LAMA5: variants seen among roughly 807,000 people sequenced by gnomAD.
The protein encoded by LAMA5 is laminin subunit alpha-5.
LAMA5 carries 260 observed loss-of-function variants against 433.4 expected under a neutral mutation model. The ratio of observed to expected loss-of-function variants is 0.60; its 90% CI spans 0.54 to 0.66. LAMA5 has a LOEUF of 0.66. Among genes scored for constraint, LAMA5 ranks in the 30% least tolerant of loss-of-function variants. LAMA5 has a pLI of 0.00. For synonymous variants in LAMA5, 2,620 were observed against 2,226.6 expected, an observed-to-expected ratio of 1.18 and a Z score of -4.97; for missense variants, 5,378 against 5,258.5, an observed-to-expected ratio of 1.02 and a Z score of -0.70.
chr20:62,356,655 T>G (rs1234913615), intron 2 of LAMA5, among the ~76,000 whole-genome samples: 1 of 150,912 alleles, frequency 6.6e-6, no homozygotes, highest in Admixed American at 6.6e-5. Flanking sequence ...TCACAGGGGG[T>G]GGGCAAGAGC....
At chr20:62,310,344 G>A (rs1292764565) in intron 76 of LAMA5, 33 bp from the exon 77 acceptor site, 1 of 1,576,712 alleles carries the variant, frequency 6.3e-7, no homozygotes, top group South Asian at 1.2e-5. Flanking sequence ...AGAAGAAAGG[G>A]GGGGCCCCTC....
rs756508271 is a variant in LAMA5 at position 62,333,159 on chromosome 20, C to T, written c.3213G>A (p.Leu1071=). 4 of 1,514,744 alleles carry T rather than the reference C, an allele frequency of 2.6e-6. No homozygotes were observed. The South Asian group carries it at 5.3e-5, about 20-fold the overall frequency. The allele number at this position is 1,514,744 out of a possible 1,614,324, so 93.8% of individuals were successfully genotyped here. ...LEALCRQDNS[L]PRPCPTEQLS... ...GCTGCTCCGTGGGGCAGGGCCGGGGCAGGCTGTTGTCCTGGCGACACAGGG... is the reference window on the plus strand; with the variant it reads ...GCTGCTCCGTGGGGCAGGGCCGGGGTAGGCTGTTGTCCTGGCGACACAGGG... The change falls in exon 26 of 80, where the codon CTG becomes CTA. Residue 1071 remains leucine, a synonymous_variant. Coordinates refer to ENST00000252999, the MANE Select transcript of LAMA5 (RefSeq NM_005560.6).
Position 62,310,429 on chromosome 20 carries a change from A to T in LAMA5, c.10590T>A (p.Val3530=). 6.2e-7 allele frequency: 1 copy of T among 1,603,724 alleles called. No homozygotes were observed. Among genetic ancestry groups the T allele is most frequent in the Non-Finnish European group, 8.5e-7 (1 of 1,176,268 alleles). Residue 3530 remains valine, a synonymous_variant, in exon 76 of 80, where the codon GTT becomes GTA. Coordinates refer to ENST00000252999, the MANE Select transcript of LAMA5 (RefSeq NM_005560.6). ...CCAGCACCCACAGACCTAAAGTGAT[A>T]ACTCCCCCGCTGCCTGGGAAGAACA... ...AGLFFPGSGG[V]ITLDLPGATL...
intron 18 of LAMA5, 62 bp from the exon 19 acceptor site, chr20:62,335,331 C>T (rs1363996112): frequency 6.4e-7 from 1 of 1,562,868 alleles, no homozygotes; most frequent in East Asian, 2.3e-5. Flanking sequence ...CTCCAGCCCC[C>T]CGAGGAACCC....
intron 10 of LAMA5, 83 bp from the exon 11 acceptor site, chr20:62,345,960 C>A: frequency 6.4e-7 from 1 of 1,569,326 alleles, no homozygotes; most frequent in Non-Finnish European, 8.7e-7. Flanking sequence ...GGTCTCTCAG[C>A]ACAATCGGAG....
chr20:62,327,706 G>C (rs575683198), intron 36 of LAMA5, 37 bp from the exon 37 acceptor site: 1 of 1,603,190 alleles, frequency 6.2e-7, no homozygotes, highest in African/African-American at 1.3e-5. Context: ...GTCGGCAGGT[G>C]CCAGGTGCCT....
At chr20:62,351,267 C>T (rs1568973426) in intron 6 of LAMA5, 1 of 231,012 alleles carries the variant, frequency 4.3e-6, no homozygotes, top group South Asian at 8.0e-5. Context: ...GCTGGGCGGG[C>T]ACCCCCAAAG....
Position 62,316,692 on chromosome 20 carries a change from C to G in LAMA5, c.7735G>C (p.Glu2579Gln), listed in dbSNP as rs1424794639. 1 of 1,605,636 alleles carries G rather than the reference C, an allele frequency of 6.2e-7. No homozygotes were observed. Among genetic ancestry groups the G allele is most frequent in the African/African-American group, 1.3e-5 (1 of 74,784 alleles). Reference protein sequence around the residue: ...STALEEAMLQEQQRLGLVWAA... With the variant: ...STALEEAMLQQQQRLGLVWAA... ...TCACCAAGGCCCAGCCTCTGCTGTT[C>G]CTGGAGCATGGCCTCTTCTAGTGCA... The change falls in exon 57 of 80, where the codon GAA becomes CAA. Residue 2579 changes from glutamate (E) to glutamine (Q), a missense_variant. Physicochemically the swap from Glu to Gln is conservative, Grantham distance 29. Coordinates refer to ENST00000252999, the MANE Select transcript of LAMA5 (RefSeq NM_005560.6).
rs1316929611 is a variant in LAMA5, at chr20:62,320,635, T to A, written c.6683A>T (p.Glu2228Val). 3.1e-6 allele frequency: 5 copies of A among 1,610,078 alleles called. No homozygotes were observed. Among genetic ancestry groups the A allele is most frequent in the Non-Finnish European group, 4.2e-6 (5 of 1,179,006 alleles). Residue 2228 changes from glutamate (E) to valine (V), a missense_variant, in exon 50 of 80, where the codon GAG becomes GTG. Coordinates refer to ENST00000252999, the MANE Select transcript of LAMA5 (RefSeq NM_005560.6). ...QLRSPLGPRH[E>V]TAQQLEVLEQ... ...CAGCACCTCCAGCTGCTGTGCCGTC[T>A]CATGGCGGGGGCCCAGGGGGCTCCG... is the stretch of plus-strand genomic sequence containing the variant.
chr20:62,352,197 C>A (rs1324976879), intron 4 of LAMA5, 45 bp downstream of exon 4: 6 of 1,565,960 alleles, frequency 3.8e-6, no homozygotes, highest in Non-Finnish European at 5.2e-6. Context: ...CTACCCACCT[C>A]TCCGTTCTCC....
At position 62,346,864 on chromosome 20, in the gene LAMA5, A is replaced by C. The variant is rs746328168; in HGVS notation, c.1072+49T>G. ...CAGGCCCGGGCACCGGGGCCCTCTC[A>C]TGGGCCAGGGTGTGGGCAGGACACA... On this transcript the variant is annotated intron_variant, in intron 7 of 79. Coordinates refer to ENST00000252999, the MANE Select transcript of LAMA5 (RefSeq NM_005560.6). The C allele has an allele frequency of 2.5e-6, 4 of 1,605,836 alleles. No individual in the cohort carries two copies. The Admixed American group carries it at 6.7e-5, about 27-fold the overall frequency.
At chr20:62,351,645 C>A in intron 6 of LAMA5, 59 bp downstream of exon 6, 1 of 1,536,964 alleles carries the variant, frequency 6.5e-7, no homozygotes, top group Non-Finnish European at 8.9e-7. Context: ...GTGACAAGGA[C>A]AGGCAGGGAG....
At chr20:62,366,639 C>T (rs1986759987) in intron 1 of LAMA5, among the ~76,000 whole-genome samples, 1 of 152,194 alleles carries the variant, frequency 6.6e-6, no homozygotes, top group Non-Finnish European at 1.5e-5. Flanking sequence ...CCCGGGATCC[C>T]GGACTTGGGG....
intron 51 of LAMA5, among the ~76,000 whole-genome samples, chr20:62,319,370 A>G (rs544048648): frequency 1.6e-4 from 24 of 151,948 alleles, no homozygotes; most frequent in African/African-American, 5.8e-4. Flanking sequence ...AGGCAGGCTC[A>G]GGGAGCCAAA....
chr20:62,311,045 G>A lies in LAMA5; in HGVS notation c.10138C>T (p.Leu3380Phe), dbSNP rs754618623. The A allele has an allele frequency of 8.7e-6, 14 of 1,605,948 alleles. No individual in the cohort carries two copies. The South Asian group carries it at 1.4e-4, about 16-fold the overall frequency. ...CCGGGCCTCAGACGGGCAGTGAAGA[G>A]GAGGAGGCCTCGGGAGCTTCGCGGG... ...VLPRSSRGLL[L>F]FTARLRPGSP... The change falls in exon 74 of 80, where the codon CTC (leucine) becomes TTC (phenylalanine). Residue 3380 changes from leucine to phenylalanine, a missense_variant. Leu to Phe is a conservative substitution (Grantham distance 22, BLOSUM62 0). Coordinates refer to ENST00000252999, the MANE Select transcript of LAMA5 (RefSeq NM_005560.6).
chr20:62,321,313 G>A (rs1457190149), intron 48 of LAMA5, among the ~76,000 whole-genome samples: 1 of 94,990 alleles, frequency 1.1e-5, no homozygotes, highest in South Asian at 4.1e-4. Context: ...GCCAGTGAAG[G>A]TGTGGGGCCA....
chr20:62,317,134 C>T (rs572607351), intron 55 of LAMA5, 111 bp from the exon 56 acceptor site: 325 of 1,309,738 alleles, frequency 2.5e-4, no homozygotes, highest in Non-Finnish European at 3.0e-4. Flanking sequence ...CGCCAAGTCC[C>T]GCCTCCAGGT....
intron 2 of LAMA5, among the ~76,000 whole-genome samples, chr20:62,360,639 T>G (rs112337694): frequency 1.8e-3 from 21 of 11,748 alleles, no homozygotes; most frequent in South Asian, 3.2e-3. Flanking sequence ...GATAGATGGG[T>G]GGGTGGGTGG....
Position 62,324,672 on chromosome 20 carries a change from G to A in LAMA5, c.5530-118C>T. On this transcript the variant is annotated intron_variant, in intron 41 of 79. Coordinates refer to ENST00000252999, the MANE Select transcript of LAMA5 (RefSeq NM_005560.6). The surrounding 1 kb of genome is among the most constrained non-coding windows in gnomAD (Gnocchi z 4.4). Reference sequence around the variant, plus strand: ...AGGCACGAGGCACTGGGAACCCGTGGAGCATGGTCACCGCTGGGTCAGAGG... The same window carrying A: ...AGGCACGAGGCACTGGGAACCCGTGAAGCATGGTCACCGCTGGGTCAGAGG... 1 of 696,386 alleles carries A rather than the reference G, an allele frequency of 1.4e-6. No individual in the cohort carries two copies. The highest frequency in any genetic ancestry group is 1.8e-5 in the African/African-American group (1 of 56,944). 43.1% of individuals were successfully genotyped at this position (696,386 alleles called of 1,614,324 possible). A position where few individuals can be genotyped will look rare whatever the true frequency, so the allele number is the denominator to read the frequency against.
Sources: gnomAD v4.1 joint callset for allele counts (sites outside exome capture counted in the v4.1 genomes callset) on GRCh38, gnomAD v4.1.1 for gene constraint, Gnocchi (gnomAD v3.1) non-coding constraint, MANE v1.5 for transcripts, NCBI Gene and HGNC (gene_info 2026-07-23, HGNC 2026-07-21) for gene names.